The following ZFAT variants were observed in gnomAD, a reference collection of about 807,000 sequenced individuals.
ZFAT encodes the protein zinc finger and AT-hook domain containing, also known as zinc finger protein ZFAT.
A neutral mutation model predicts 117.7 loss-of-function variants in ZFAT; 64 were observed. The ratio of observed to expected loss-of-function variants is 0.54; its 90% CI spans 0.44 to 0.67. ZFAT has a LOEUF of 0.67. Among genes scored for constraint, ZFAT ranks in the 30% least tolerant of loss-of-function variants. ZFAT has a pLI of 0.00. For synonymous variants in ZFAT, 679 were observed against 615.0 expected (o/e 1.10, Z -1.54); for missense variants, 1,433 against 1,584.5 (o/e 0.90, Z 1.62).
intron 1 of ZFAT, chr8:134,696,532 C>T (rs1279707862): frequency 1.0e-6 from 1 of 985,720 alleles, no homozygotes; most frequent in East Asian, 1.1e-4. Context: ...CCATCTACAC[C>T]CTTTCTTCTC....
At chr8:134,663,787 A>G (rs28698478) in intron 1 of ZFAT, among the ~76,000 whole-genome samples, 4,972 of 152,286 alleles carry the variant, frequency 0.033, 280 homozygotes, top group African/African-American at 0.11. Flanking sequence ...ATGAGTCTAA[A>G]TAACATTTAA....
upstream of ZFAT, chr8:134,713,112 AG>A: frequency 2.5e-6 from 1 of 396,124 alleles, no homozygotes; most frequent in Non-Finnish European, 4.4e-6. Context: ...CCCGGCGCCG[AG>A]CGCGGCCCGG....
intron 9 of ZFAT, among the ~76,000 whole-genome samples, chr8:134,587,715 G>A (rs1203110900): frequency 6.6e-6 from 1 of 152,158 alleles, no homozygotes. Flanking sequence ...TCCCTTCACA[G>A]GCAAGCAACC....
intron 11 of ZFAT, among the ~76,000 whole-genome samples, chr8:134,547,128 C>A (rs1240081187): frequency 1.3e-5 from 2 of 152,150 alleles, no homozygotes; most frequent in East Asian, 1.9e-4. Context: ...CGAAGTTAAG[C>A]GGCTTGCTGA....
intron 12 of ZFAT, among the ~76,000 whole-genome samples, chr8:134,529,645 T>A (rs528511985): frequency 1.6e-4 from 24 of 152,290 alleles, no homozygotes; most frequent in African/African-American, 5.3e-4. Context: ...CCTGGCAATG[T>A]CACCCAGTGC....
the ZFAT span, among the ~76,000 whole-genome samples, chr8:134,753,885 G>C: frequency 1.7e-3 from 261 of 152,280 alleles, 1 homozygote; most frequent in African/African-American, 5.9e-3. Context: ...TGCTTAAAAA[G>C]ACACTGCCTT....
chr8:134,551,481 T>C (rs1001909114), intron 11 of ZFAT, among the ~76,000 whole-genome samples: 12 of 152,242 alleles, frequency 7.9e-5, no homozygotes, highest in Non-Finnish European at 1.3e-4. Flanking sequence ...GGTGGAACTT[T>C]CTTGTGGAAA....
intron 11 of ZFAT, among the ~76,000 whole-genome samples, chr8:134,554,917 C>T (rs1823450565): frequency 6.6e-6 from 1 of 152,014 alleles, no homozygotes. Context: ...TTGTTCAGAG[C>T]CCAGACCCAG....
At chr8:134,510,609 A>C (rs1419062019) in intron 14 of ZFAT, 1 of 162,258 alleles carries the variant, frequency 6.2e-6, no homozygotes, top group Non-Finnish European at 1.4e-5. Flanking sequence ...CATCGCCGGC[A>C]CCCCCAAACA....
rs557857945 is a variant in ZFAT, at chr8:134,553,373, G to A, written c.2976+11960C>T. ...CAAAAATTAGCCGGGCGCGGTGGCA[G>A]GCACCTGTAATCCCAGCTACTCAGG... On this transcript the variant is annotated intron_variant, in intron 11 of 15. Transcript: ENST00000377838. Among the ~76,000 whole-genome samples, 10 of 152,288 alleles carry A rather than the reference G, an allele frequency of 6.6e-5. No individual in the cohort carries two copies. In the South Asian group the frequency reaches 2.1e-3, roughly 32 times the overall value.
chr8:134,509,640 C>T lies in ZFAT; in HGVS notation c.3471G>A (p.Gly1157=), dbSNP rs1819661482. The T allele has an allele frequency of 1.2e-6, 2 of 1,612,894 alleles. No homozygotes were observed. Among genetic ancestry groups the T allele is most frequent in the Non-Finnish European group, 1.7e-6 (2 of 1,179,648 alleles). ...ALASVVAMAP[G]TVTVVKQVTE... ...CTACCTGCTTAACCACAGTCACCGT[C>T]CCTGGTGCCATGGCAACCACCGAGG... Residue 1157 remains glycine, a synonymous_variant, in exon 15 of 16, where the codon GGG becomes GGA. Coordinates refer to ENST00000377838, the MANE Select transcript of ZFAT (RefSeq NM_020863.4).
At chr8:134,700,607 C>T (rs1294768120) in intron 1 of ZFAT, among the ~76,000 whole-genome samples, 1 of 152,202 alleles carries the variant, frequency 6.6e-6, no homozygotes, top group Non-Finnish European at 1.5e-5. Context: ...TGTCGGACTC[C>T]GGGCTGTGAT....
chr8:134,570,448 C>A (rs888853717), intron 10 of ZFAT, among the ~76,000 whole-genome samples: 6 of 152,136 alleles, frequency 3.9e-5, no homozygotes, highest in Non-Finnish European at 8.8e-5. Flanking sequence ...ATCTCACTCA[C>A]GAGAATTTTC....
At chr8:134,657,087 GAAC>G (rs1831651556) in intron 2 of ZFAT, among the ~76,000 whole-genome samples, 1 of 152,182 alleles carries the variant, frequency 6.6e-6, no homozygotes, top group South Asian at 2.1e-4. Context: ...ATGTACGTTA[GAAC>G]AACAGCTTCC....
intron 11 of ZFAT, among the ~76,000 whole-genome samples, chr8:134,550,879 C>A (rs1347472291): frequency 2.6e-5 from 4 of 152,040 alleles, no homozygotes; most frequent in Admixed American, 6.6e-5. Flanking sequence ...ACAAGAAAAC[C>A]ATGTGTAATC....
the ZFAT span, among the ~76,000 whole-genome samples, chr8:134,803,345 A>G: frequency 1.3e-5 from 2 of 152,198 alleles, 1 homozygote; most frequent in South Asian, 4.1e-4. Flanking sequence ...ATTACATTCT[A>G]CCTTTGGCAG....
At chr8:134,717,572 C>A (rs185858336), upstream of ZFAT, among the ~76,000 whole-genome samples, 11 of 141,198 alleles carry the variant, frequency 7.8e-5, no homozygotes, top group African/African-American at 2.9e-4. Context: ...CAAGCTCTGC[C>A]TCCTGGGTTC....
At chr8:134,753,322 T>C in the ZFAT span, among the ~76,000 whole-genome samples, 25 of 152,000 alleles carry the variant, frequency 1.6e-4, no homozygotes, top group East Asian at 4.6e-3. Flanking sequence ...GTTGGGAAAT[T>C]AGGAGGGAGA....
In ZFAT at chr8:134,566,393, CAAAA is replaced by C. The variant is rs57041885; in HGVS notation, c.2888-976_2888-973del. Among the ~76,000 whole-genome samples, 6 of 77,296 alleles carry C rather than the reference CAAAA, an allele frequency of 7.8e-5. 1 individual carries two copies. In the South Asian group the frequency reaches 2.1e-3, roughly 27 times the overall value. The allele number at this position is 77,296 out of a possible 152,430, so 50.7% of individuals were successfully genotyped here. Reference sequence around the variant, plus strand: ...TGGGCGACAGAGCAAGACTCCAACTCAAAAAAAAAAAAAAAAAGATTAAGGTTTT... The same window carrying C: ...TGGGCGACAGAGCAAGACTCCAACTCAAAAAAAAAAAAAGATTAAGGTTTT... On this transcript the variant is annotated intron_variant, in intron 10 of 15. Transcript: ENST00000377838.
Sources: allele counts gnomAD v4.1 joint callset (sites outside exome capture counted in the v4.1 genomes callset), GRCh38; gene constraint gnomAD v4.1.1; transcripts MANE v1.5; gene names NCBI Gene and HGNC (gene_info 2026-07-23, HGNC 2026-07-21).